Variants in CSMD1 observed in about 807,000 individuals in gnomAD.
The protein encoded by CSMD1 is CUB and Sushi multiple domains 1.
Under a neutral mutation model 417.5 loss-of-function variants are expected in CSMD1, and 213 were observed. That is an observed-to-expected ratio of 0.51 (90% CI 0.46 to 0.57). The LOEUF is 0.57. Ranked by LOEUF, CSMD1 falls within the 20% of genes least tolerant of loss-of-function variation. The pLI, the probability that CSMD1 is intolerant of heterozygous loss-of-function variation, is 0.00. For synonymous variants in CSMD1, 2,862 were observed against 1,736.8 expected (o/e 1.65, Z -16.11); for missense variants, 6,923 against 4,529.7 (o/e 1.53, Z -15.17).
intron 3 of CSMD1, among the ~76,000 whole-genome samples, chr8:4,190,825 A>T (rs1273459230): frequency 6.6e-6 from 1 of 152,128 alleles, no homozygotes; most frequent in Non-Finnish European, 1.5e-5. Flanking sequence ...GGGGGCCATT[A>T]CCCTTCGCAA....
At chr8:4,239,889 A>C (rs1187275408) in intron 3 of CSMD1, among the ~76,000 whole-genome samples, 1 of 152,234 alleles carries the variant, frequency 6.6e-6, no homozygotes, top group Non-Finnish European at 1.5e-5. Flanking sequence ...CCTTTGCAGC[A>C]TTAGCAATTT....
chr8:3,847,072 TG>T (rs1048768817), intron 5 of CSMD1, among the ~76,000 whole-genome samples: 6 of 151,930 alleles, frequency 3.9e-5, no homozygotes, highest in African/African-American at 1.2e-4. Flanking sequence ...CCTTCCAGGG[TG>T]GGGGAAGGCA....
At chr8:4,444,283 G>A (rs997687153) in intron 2 of CSMD1, among the ~76,000 whole-genome samples, 3 of 141,942 alleles carry the variant, frequency 2.1e-5, no homozygotes, top group South Asian at 2.3e-4. Context: ...GGAGGTGGAC[G>A]TTGCAGTGAA....
At chr8:3,805,908 G>C (rs564482507) in intron 5 of CSMD1, among the ~76,000 whole-genome samples, 83 of 152,182 alleles carry the variant, frequency 5.5e-4, no homozygotes, top group African/African-American at 1.8e-3. Flanking sequence ...TCTTGTAGTG[G>C]ACATGCTCAC....
rs145578281 is a variant in CSMD1, at chr8:3,742,003, A to T, written c.931+11927T>A. 8.8e-3 allele frequency among the ~76,000 whole-genome samples: 1,323 copies of T among 149,506 alleles called. 11 individuals carry two copies. Among genetic ancestry groups the T allele is most frequent in the Middle Eastern group, 0.027 (8 of 292 alleles). ...GGTTTTTTTTTTTTTTAACCCTGCA[A>T]ATTGCCTTTCGAGGCTGGAATTCTC... On this transcript the variant is annotated intron_variant, in intron 6 of 69. Transcript: ENST00000635120.
rs564028552 is a variant in CSMD1, at chr8:4,467,160, A to T, written c.303-47095T>A. 3.3e-5 allele frequency among the ~76,000 whole-genome samples: 5 copies of T among 152,128 alleles called. No homozygotes were observed. The East Asian group carries it at 7.7e-4, about 23-fold the overall frequency. On this transcript the variant is annotated intron_variant, in intron 2 of 69. Coordinates refer to ENST00000635120, the MANE Select transcript of CSMD1 (RefSeq NM_033225.6). Reference sequence around the variant, plus strand: ...AAAAAAGAAAAAAAAAGAAAAAACAAATGTTGACAACTCGTTCTGTAAACA... The same window carrying T: ...AAAAAAGAAAAAAAAAGAAAAAACATATGTTGACAACTCGTTCTGTAAACA...
rs1171628573 is a variant in CSMD1 at position 4,260,026 on chromosome 8, T to G, written c.415+159927A>C. On this transcript the variant is annotated intron_variant, in intron 3 of 69. Transcript: ENST00000635120. ...AGTTAACATGTCTTCTTGTGCACAC[T>G]TTTTTTTTTTTAACACATACTTGAA... Among the ~76,000 whole-genome samples the G allele has an allele frequency of 2.1e-3, 3 of 1,424 alleles. No homozygotes were observed. In the Non-Finnish European group the frequency reaches 0.38, roughly 178 times the overall value. 0.9% of individuals were successfully genotyped at this position (1,424 alleles called of 152,430 possible).
intron 3 of CSMD1, among the ~76,000 whole-genome samples, chr8:4,232,032 T>C (rs1021422940): frequency 3.3e-5 from 5 of 152,194 alleles, no homozygotes; most frequent in Non-Finnish European, 7.3e-5. Context: ...TGAAACAATA[T>C]GTTGGCCTGA....
At chr8:4,842,428 A>G (rs1387554742) in intron 1 of CSMD1, among the ~76,000 whole-genome samples, 1 of 152,212 alleles carries the variant, frequency 6.6e-6, no homozygotes, top group African/African-American at 2.4e-5. Flanking sequence ...GCCCAATTAT[A>G]GTTATTATGC....
chr8:3,469,394 A>C (rs1207926009), intron 11 of CSMD1, among the ~76,000 whole-genome samples: 1 of 152,232 alleles, frequency 6.6e-6, no homozygotes, highest in South Asian at 2.1e-4. Context: ...CAACATGCAT[A>C]GCTGAAATAG....
intron 2 of CSMD1, among the ~76,000 whole-genome samples, chr8:4,521,022 C>T (rs1803415849): frequency 6.6e-6 from 1 of 152,104 alleles, no homozygotes; most frequent in Admixed American, 6.6e-5. Context: ...GCTGTTTCAA[C>T]CATCGCATAT....
chr8:3,318,587 T>A (rs1463164744), intron 23 of CSMD1, among the ~76,000 whole-genome samples: 1 of 152,220 alleles, frequency 6.6e-6, no homozygotes, highest in Non-Finnish European at 1.5e-5. Flanking sequence ...TGCAGTATCT[T>A]TCGTGACACA....
intron 3 of CSMD1, among the ~76,000 whole-genome samples, 185 bp downstream of exon 3, chr8:4,419,768 T>C (rs1264785607): frequency 3.3e-5 from 5 of 152,184 alleles, no homozygotes; most frequent in African/African-American, 1.2e-4. Context: ...GAACACGTTT[T>C]GGGCTGGAAA....
chr8:3,758,794 G>C (rs541009098), intron 5 of CSMD1, among the ~76,000 whole-genome samples: 62 of 152,280 alleles, frequency 4.1e-4, no homozygotes, highest in African/African-American at 1.4e-3. Flanking sequence ...TGGCTCATGA[G>C]GACTTTGCAG....
intron 2 of CSMD1, among the ~76,000 whole-genome samples, chr8:4,440,803 C>T (rs1208013449): frequency 6.6e-6 from 1 of 151,976 alleles, no homozygotes; most frequent in Non-Finnish European, 1.5e-5. Context: ...CGGGACCAGC[C>T]TGGCTAACAT....
At chr8:4,148,214 TA>T (rs200122069) in intron 3 of CSMD1, among the ~76,000 whole-genome samples, 2,495 of 152,128 alleles carry the variant, frequency 0.016, 29 homozygotes, top group Non-Finnish European at 0.026. Flanking sequence ...TATAAGTTGC[TA>T]TAGACTGGGC....
intron 54 of CSMD1, among the ~76,000 whole-genome samples, chr8:2,986,296 G>A (rs1325899767): frequency 6.6e-6 from 1 of 152,098 alleles, no homozygotes; most frequent in Admixed American, 6.5e-5. Context: ...CCTATGAAGA[G>A]GGTACTGTGG....
chr8:3,863,258 C>G (rs746416351), intron 5 of CSMD1, among the ~76,000 whole-genome samples: 3 of 151,966 alleles, frequency 2.0e-5, no homozygotes, highest in Non-Finnish European at 2.9e-5. Context: ...CTGGCTAGGT[C>G]TGGTGGCAGG....
At chr8:3,840,639 G>C (rs1803070105) in intron 5 of CSMD1, among the ~76,000 whole-genome samples, 2 of 151,596 alleles carry the variant, frequency 1.3e-5, no homozygotes, top group South Asian at 4.2e-4. Flanking sequence ...GTGTGCACTT[G>C]CTAGTGTATA....
Sources: gnomAD v4.1 joint callset for allele counts (sites outside exome capture counted in the v4.1 genomes callset) on GRCh38, gnomAD v4.1.1 for gene constraint, MANE v1.5 for transcripts, NCBI Gene and HGNC (gene_info 2026-07-23, HGNC 2026-07-21) for gene names.